EVL: variants seen among roughly 807,000 people sequenced by gnomAD.
EVL encodes the protein ena/VASP-like protein.
In EVL, 21 loss-of-function variants were observed where a neutral mutation model predicts 59.6. The observed-to-expected ratio is 0.35, with a 90% CI of 0.25 to 0.51. The LOEUF is 0.51. Among genes scored for constraint, EVL ranks in the 20% least tolerant of loss-of-function variants. The pLI is 0.97. For missense variants in EVL, 462 were observed against 546.6 expected (o/e 0.85, Z 1.54); for synonymous variants, 198 against 203.5 (o/e 0.97, Z 0.23).
At chr14:100,074,165 C>T (rs1458736764) in intron 1 of EVL, among the ~76,000 whole-genome samples, 5 of 152,156 alleles carry the variant, frequency 3.3e-5, no homozygotes, top group Admixed American at 6.5e-5. Context: ...AGACAGGACC[C>T]GACAGCCTGC....
intron 3 of EVL, chr14:100,102,416 T>C: frequency 2.2e-6 from 1 of 455,422 alleles, no homozygotes; most frequent in East Asian, 7.0e-5. Context: ...TAAGTACACC[T>C]CCTTGGCTGT....
intron 1 of EVL, among the ~76,000 whole-genome samples, chr14:99,992,537 G>A (rs1305587677): frequency 2.0e-5 from 3 of 152,122 alleles, no homozygotes; most frequent in Admixed American, 6.5e-5. Flanking sequence ...TTTCCGCCAC[G>A]TTTTCTTTTA....
At chr14:100,088,053 A>G (rs1469531607) in intron 2 of EVL, among the ~76,000 whole-genome samples, 1 of 152,250 alleles carries the variant, frequency 6.6e-6, no homozygotes, top group Admixed American at 6.5e-5. Flanking sequence ...AGACCTAGGA[A>G]TATTGCGTGG....
intron 3 of EVL, among the ~76,000 whole-genome samples, chr14:100,097,949 A>T (rs925384955): frequency 6.6e-6 from 1 of 152,226 alleles, no homozygotes. Context: ...CTGTTTCCAT[A>T]TTCCAGAGCA....
At chr14:100,113,534 A>G (rs187361865) in intron 3 of EVL, among the ~76,000 whole-genome samples, 85 of 152,280 alleles carry the variant, frequency 5.6e-4, no homozygotes, top group African/African-American at 2.0e-3. Flanking sequence ...TCAAAGGCCC[A>G]CTAGAATCAG....
intron 1 of EVL, among the ~76,000 whole-genome samples, chr14:100,080,748 G>T (rs969616396): frequency 2.4e-4 from 36 of 152,178 alleles, no homozygotes; most frequent in African/African-American, 8.7e-4. Flanking sequence ...TCCCAGGGGG[G>T]AAAGAAGTCC....
At chr14:100,015,355 CAG>C (rs1373940703) in intron 1 of EVL, among the ~76,000 whole-genome samples, 2 of 152,214 alleles carry the variant, frequency 1.3e-5, no homozygotes, top group Non-Finnish European at 1.5e-5. Context: ...CCCACATTGT[CAG>C]GAACCCAGGG....
At chr14:100,093,256 A>T (rs530814361) in intron 2 of EVL, among the ~76,000 whole-genome samples, 1 of 152,364 alleles carries the variant, frequency 6.6e-6, no homozygotes, top group African/African-American at 2.4e-5. Flanking sequence ...ATGTCTCTCT[A>T]GCCATTTGGC....
intron 3 of EVL, among the ~76,000 whole-genome samples, chr14:100,117,282 G>T (rs566396280): frequency 6.6e-6 from 1 of 152,210 alleles, no homozygotes; most frequent in Non-Finnish European, 1.5e-5. Flanking sequence ...TACCTCTCCC[G>T]GTGCCACGTG....
chr14:100,094,812 C>T (rs758456845), intron 2 of EVL, among the ~76,000 whole-genome samples: 5 of 151,876 alleles, frequency 3.3e-5, no homozygotes, highest in Admixed American at 1.3e-4. Flanking sequence ...GAGGCCGAGG[C>T]GGGCAGATCA....
intron 3 of EVL, among the ~76,000 whole-genome samples, chr14:100,110,545 G>C (rs1323315937): frequency 6.6e-6 from 1 of 152,050 alleles, no homozygotes; most frequent in East Asian, 1.9e-4. Context: ...TGAATGGGGG[G>C]ATCTGATGAG....
At chr14:99,974,573 C>CA (rs1255411119) in intron 1 of EVL, 2 of 152,628 alleles carry the variant, frequency 1.3e-5, no homozygotes, top group Non-Finnish European at 2.9e-5. Context: ...TTTTTGGGCA[C>CA]AGAGATCAAG....
At chr14:99,990,660 A>G (rs1187683345) in intron 1 of EVL, among the ~76,000 whole-genome samples, 2 of 152,164 alleles carry the variant, frequency 1.3e-5, no homozygotes, top group South Asian at 2.1e-4. Flanking sequence ...TCCATGTTGT[A>G]GCATGTGATC....
intron 4 of EVL, among the ~76,000 whole-genome samples, chr14:100,126,332 C>A (rs188369002): frequency 6.6e-6 from 1 of 152,356 alleles, no homozygotes. Context: ...GAAGCTTGGC[C>A]AGGTCCACTA....
intron 2 of EVL, among the ~76,000 whole-genome samples, chr14:100,093,004 C>T (rs1446847369): frequency 1.3e-5 from 2 of 152,170 alleles, no homozygotes; most frequent in Admixed American, 1.3e-4. Context: ...CAAAAATGCA[C>T]GTGTTCAGGT....
intron 1 of EVL, among the ~76,000 whole-genome samples, chr14:100,054,049 C>CTTTTTTTTTT (rs11302582): frequency 3.3e-5 from 2 of 61,256 alleles, no homozygotes; most frequent in African/African-American, 6.5e-5. Context: ...TATTTTTGGA[C>CTTTTTTTTTT]TTTTTTTTTT....
Position 99,972,016 on chromosome 14 carries a change from C to A in EVL, c.-37C>A. The A allele has an allele frequency of 5.4e-6, 1 of 184,462 alleles. No homozygotes were observed. The highest frequency in any genetic ancestry group is 6.4e-5 in the Admixed American group (1 of 15,638). The allele number at this position is 184,462 out of a possible 1,614,324, so 11.4% of individuals were successfully genotyped here. On this transcript the variant is annotated 5_prime_UTR_variant, in exon 1 of 14. Coordinates refer to the EVL transcript ENST00000402714. This position sits in a 1 kb window ranked among gnomAD's most constrained non-coding sequence, Gnocchi z 4.4. Reference sequence around the variant, plus strand: ...GCCGCCGCCGCCGCCGCCGCCGGGTCGCCCCTGGCCCGGCGCGCCCGTCCC... The same window carrying A: ...GCCGCCGCCGCCGCCGCCGCCGGGTAGCCCCTGGCCCGGCGCGCCCGTCCC...
At chr14:100,072,272 T>C (rs1034359750) in intron 1 of EVL, among the ~76,000 whole-genome samples, 8 of 152,230 alleles carry the variant, frequency 5.3e-5, no homozygotes, top group African/African-American at 1.9e-4. Flanking sequence ...TCGCTCAGGC[T>C]GGAGTGCATT....
intron 1 of EVL, among the ~76,000 whole-genome samples, chr14:100,055,157 C>A (rs2061708107): frequency 6.6e-6 from 1 of 151,312 alleles, no homozygotes; most frequent in Admixed American, 6.6e-5. Flanking sequence ...TGAGATCGCA[C>A]CATTGCACTC....
Sources: gnomAD v4.1 joint callset for allele counts (sites outside exome capture counted in the v4.1 genomes callset) on GRCh38, gnomAD v4.1.1 for gene constraint, Gnocchi (gnomAD v3.1) non-coding constraint, MANE v1.5 for transcripts, NCBI Gene and HGNC (gene_info 2026-07-23, HGNC 2026-07-21) for gene names.